Variants in GRM7 observed in about 807,000 individuals in gnomAD.
GRM7 encodes the protein metabotropic glutamate receptor 7.
A neutral mutation model predicts 84.5 loss-of-function variants in GRM7; 35 were observed. The ratio of observed to expected loss-of-function variants is 0.41; its 90% CI spans 0.32 to 0.55. The LOEUF (loss-of-function observed/expected upper bound fraction) is 0.55, where lower values mean the gene tolerates loss of function less well. Ranked by LOEUF, GRM7 falls within the 20% of genes least tolerant of loss-of-function variation. The pLI, the probability that GRM7 is intolerant of heterozygous loss-of-function variation, is 0.19. For synonymous variants in GRM7, 487 were observed against 455.1 expected (o/e 1.07, Z -0.89); for missense variants, 1,003 against 1,194.6 (o/e 0.84, Z 2.36).
intron 1 of GRM7, among the ~76,000 whole-genome samples, chr3:7,102,242 T>C (rs1699136365): frequency 6.6e-6 from 1 of 151,806 alleles, no homozygotes; most frequent in Non-Finnish European, 1.5e-5. Context: ...TGTCTGATGA[T>C]ATTTTATTTT....
chr3:7,612,561 C>G (rs1481993242), intron 8 of GRM7, among the ~76,000 whole-genome samples: 1 of 152,144 alleles, frequency 6.6e-6, no homozygotes, highest in African/African-American at 2.4e-5. Flanking sequence ...ATATATTTTA[C>G]TTGGAGAAGA....
intron 1 of GRM7, among the ~76,000 whole-genome samples, chr3:7,061,426 A>G (rs1697430617): frequency 6.6e-6 from 1 of 151,764 alleles, no homozygotes; most frequent in Non-Finnish European, 1.5e-5. Flanking sequence ...TGAGTAAAAG[A>G]GACACAGGGG....
intron 1 of GRM7, among the ~76,000 whole-genome samples, chr3:7,012,629 T>G (rs1874968): frequency 0.24 from 36,602 of 152,022 alleles, 4,594 homozygotes; most frequent in South Asian, 0.37. Context: ...AAGACTCTTA[T>G]TAAGTAAGAG....
At position 7,202,000 on chromosome 3, in the gene GRM7, AT is replaced by A. The variant is rs917293251; in HGVS notation, c.736+55341del. Among the ~76,000 whole-genome samples, 11 of 150,248 alleles carry A rather than the reference AT, an allele frequency of 7.3e-5. No individual in the cohort carries two copies. The East Asian group carries it at 7.8e-4, about 11-fold the overall frequency. On this transcript the variant is annotated intron_variant, in intron 2 of 9. Transcript: ENST00000357716. ...GTTTAGTATTAATTACATTACCAGC[AT>A]TTTTTTTTCAACCTTACAGGAACTT...
At chr3:7,054,676 A>C (rs1209543732) in intron 1 of GRM7, among the ~76,000 whole-genome samples, 1 of 151,898 alleles carries the variant, frequency 6.6e-6, no homozygotes, top group Non-Finnish European at 1.5e-5. Flanking sequence ...ACTTTTCTGC[A>C]TATATGGAAT....
intron 2 of GRM7, among the ~76,000 whole-genome samples, chr3:7,218,132 C>A (rs1223542767): frequency 6.6e-6 from 1 of 152,064 alleles, no homozygotes; most frequent in African/African-American, 2.4e-5. Flanking sequence ...CCAAAAATCC[C>A]AGATGATTTC....
chr3:6,947,148 C>A lies in GRM7; in HGVS notation c.519+85241C>A, dbSNP rs544229238. On this transcript the variant is annotated intron_variant, in intron 1 of 9. Coordinates refer to ENST00000357716, the MANE Select transcript of GRM7 (RefSeq NM_000844.4). Reference sequence around the variant, plus strand: ...CTTGTGCCAGTTTTCAAAAGGAATGCTTCCAGTTTTTGTCCATTCAGTATG... The same window carrying A: ...CTTGTGCCAGTTTTCAAAAGGAATGATTCCAGTTTTTGTCCATTCAGTATG... 3.9e-5 allele frequency among the ~76,000 whole-genome samples: 6 copies of A among 152,226 alleles called. No individual in the cohort carries two copies. In the South Asian group the frequency reaches 1.2e-3, roughly 32 times the overall value.
chr3:6,997,186 C>T (rs895672884), intron 1 of GRM7, among the ~76,000 whole-genome samples: 4 of 151,868 alleles, frequency 2.6e-5, no homozygotes, highest in African/African-American at 4.8e-5. Flanking sequence ...GTTTTATTAG[C>T]TACATTCAAT....
intron 1 of GRM7, among the ~76,000 whole-genome samples, chr3:7,058,749 C>G (rs1459133336): frequency 6.6e-6 from 1 of 151,796 alleles, no homozygotes; most frequent in Admixed American, 6.6e-5. Flanking sequence ...ACTGATGTGT[C>G]ATCTTACTGC....
intron 8 of GRM7, among the ~76,000 whole-genome samples, chr3:7,605,743 A>G (rs1462535267): frequency 2.0e-5 from 3 of 152,202 alleles, no homozygotes; most frequent in Admixed American, 1.3e-4. Flanking sequence ...AAGCATTTTA[A>G]TAATAACTAA....
intron 1 of GRM7, among the ~76,000 whole-genome samples, chr3:7,018,087 A>G (rs543037254): frequency 2.6e-5 from 4 of 152,368 alleles, no homozygotes; most frequent in African/African-American, 9.6e-5. Context: ...ATGATAAGAA[A>G]AAGGATACCA....
intron 1 of GRM7, among the ~76,000 whole-genome samples, chr3:6,920,644 T>C (rs1318378490): frequency 6.6e-6 from 1 of 152,122 alleles, no homozygotes; most frequent in African/African-American, 2.4e-5. Context: ...TAAGTGTCTA[T>C]ATTTTACTCT....
chr3:7,150,082 T>A (rs1386494033), intron 2 of GRM7, among the ~76,000 whole-genome samples: 13 of 145,886 alleles, frequency 8.9e-5, no homozygotes, highest in South Asian at 4.5e-4. Flanking sequence ...TGTGTGTGTG[T>A]GTGTGAGAGA....
At chr3:7,581,530 G>T (rs3804897) in intron 8 of GRM7, among the ~76,000 whole-genome samples, 37,807 of 152,004 alleles carry the variant, frequency 0.25, 4,859 homozygotes, top group Middle Eastern at 0.39. Flanking sequence ...AAATACCAGC[G>T]TGTATACATG....
At chr3:7,159,629 T>A (rs12497688) in intron 2 of GRM7, among the ~76,000 whole-genome samples, 1 of 152,004 alleles carries the variant, frequency 6.6e-6, no homozygotes, top group African/African-American at 2.4e-5. Context: ...TATTTCCTAA[T>A]GGTTGGTAAG....
At chr3:7,260,883 C>T (rs935460958) in intron 2 of GRM7, among the ~76,000 whole-genome samples, 3 of 152,156 alleles carry the variant, frequency 2.0e-5, no homozygotes, top group Non-Finnish European at 4.4e-5. Flanking sequence ...GTTAATACTA[C>T]CTTAGCTGTG....
chr3:7,559,038 T>G (rs574601757), intron 7 of GRM7: 12 of 152,682 alleles, frequency 7.9e-5, no homozygotes, highest in African/African-American at 2.9e-4. Context: ...CAGAAAATTA[T>G]TGAGCTCTGA....
chr3:7,643,410 TAA>T (rs1311984891), intron 8 of GRM7, among the ~76,000 whole-genome samples: 1 of 152,130 alleles, frequency 6.6e-6, no homozygotes, highest in Non-Finnish European at 1.5e-5. Context: ...TGCCCTACTT[TAA>T]AAGAGTCATT....
intron 1 of GRM7, among the ~76,000 whole-genome samples, chr3:6,915,574 T>G (rs1383778135): frequency 6.6e-6 from 1 of 152,248 alleles, no homozygotes; most frequent in Non-Finnish European, 1.5e-5. Flanking sequence ...TGCATACCAA[T>G]GAACCTGCAT....
Sources: allele counts gnomAD v4.1 joint callset (sites outside exome capture counted in the v4.1 genomes callset), GRCh38; gene constraint gnomAD v4.1.1; transcripts MANE v1.5; gene names NCBI Gene and HGNC (gene_info 2026-07-23, HGNC 2026-07-21).